MAGI2: variants seen among roughly 807,000 people sequenced by gnomAD.
The protein encoded by MAGI2 is membrane-associated guanylate kinase, WW and PDZ domain-containing protein 2.
A neutral mutation model predicts 133.3 loss-of-function variants in MAGI2; 35 were observed. The ratio of observed to expected loss-of-function variants is 0.26; its 90% CI spans 0.20 to 0.35. MAGI2 has a LOEUF of 0.35. Among genes scored for constraint, MAGI2 ranks in the 10% least tolerant of loss-of-function variants. The probability of loss-of-function intolerance (pLI) is 1.00; values close to 1 mark genes in which losing one functional copy is unlikely to be tolerated. For synonymous variants in MAGI2, 729 were observed against 710.6 expected (o/e 1.03, Z -0.41); for missense variants, 1,636 against 1,863.4 (o/e 0.88, Z 2.25).
intron 3 of MAGI2, among the ~76,000 whole-genome samples, chr7:78,555,187 C>T (rs62468621): frequency 1.2e-4 from 14 of 114,462 alleles, no homozygotes; most frequent in Admixed American, 1.0e-3. Context: ...TGATAGAGGA[C>T]GGTTGGATGG....
rs187323045 is a variant in MAGI2 at position 78,440,495 on chromosome 7, C to T, written c.1045+49266G>A. Among the ~76,000 whole-genome samples the T allele has an allele frequency of 2.0e-3, 298 of 152,230 alleles. 1 individual carries two copies. The highest frequency in any genetic ancestry group is 2.9e-3 in the Non-Finnish European group (198 of 68,028). ...CCGTGAAGGCAAAATTAACACATCC[C>T]ATTGGCCAGTTTGCTATATGGAATA... On this transcript the variant is annotated intron_variant, in intron 6 of 21. Transcript: ENST00000354212.
chr7:78,139,692 C>A (rs1032975570), intron 16 of MAGI2, among the ~76,000 whole-genome samples: 8 of 152,294 alleles, frequency 5.3e-5, no homozygotes, highest in East Asian at 1.9e-4. Context: ...TTAGGATACA[C>A]AGATATTTGG....
intron 1 of MAGI2, among the ~76,000 whole-genome samples, chr7:79,013,518 G>A (rs1273514998): frequency 6.6e-6 from 1 of 152,122 alleles, no homozygotes; most frequent in Non-Finnish European, 1.5e-5. Flanking sequence ...GGGCTGTGTT[G>A]TTAAGTTCCT....
chr7:78,808,882 C>G (rs571472150), intron 2 of MAGI2, among the ~76,000 whole-genome samples: 1 of 152,142 alleles, frequency 6.6e-6, no homozygotes, highest in Non-Finnish European at 1.5e-5. Flanking sequence ...AGCTACATGA[C>G]CCTAACTTTT....
intron 2 of MAGI2, among the ~76,000 whole-genome samples, chr7:78,931,607 A>C (rs1346444678): frequency 1.3e-5 from 2 of 152,110 alleles, no homozygotes; most frequent in Non-Finnish European, 2.9e-5. Context: ...CTGAAATTTT[A>C]GAGTTGTCAA....
chr7:78,575,631 C>T (rs1374131415), intron 3 of MAGI2, among the ~76,000 whole-genome samples: 2 of 152,134 alleles, frequency 1.3e-5, no homozygotes, highest in Non-Finnish European at 2.9e-5. Context: ...TCACACATCC[C>T]TTTAATAAAA....
At chr7:78,918,567 T>C (rs973174456) in intron 2 of MAGI2, among the ~76,000 whole-genome samples, 7 of 152,126 alleles carry the variant, frequency 4.6e-5, no homozygotes, top group Non-Finnish European at 8.8e-5. Context: ...AGCTTACAGA[T>C]TTATCATTTT....
chr7:79,420,457 T>G (rs1411591967), intron 1 of MAGI2, among the ~76,000 whole-genome samples: 1 of 151,988 alleles, frequency 6.6e-6, no homozygotes, highest in African/African-American at 2.4e-5. Context: ...TACTAATTCT[T>G]AAGTGTATTT....
rs1335421486 is a variant in MAGI2, at chr7:78,668,865, A to T, written c.419-41626T>A. On this transcript the variant is annotated intron_variant, in intron 2 of 21. Coordinates refer to ENST00000354212, the MANE Select transcript of MAGI2 (RefSeq NM_012301.4). ...GAAGGCAGAAATAAGATGTTCTTTG[A>T]AACCAATGAGAACAAAGACACAACA... Among the ~76,000 whole-genome samples, 5 of 151,430 alleles carry T rather than the reference A, an allele frequency of 3.3e-5. 1 individual carries two copies. The highest frequency in any genetic ancestry group is 1.2e-4 in the African/African-American group (5 of 40,876).
intron 10 of MAGI2, among the ~76,000 whole-genome samples, chr7:78,233,547 G>C (rs138391347): frequency 6.6e-6 from 1 of 152,032 alleles, no homozygotes; most frequent in African/African-American, 2.4e-5. Context: ...TTTATGGTGG[G>C]GTAAATGTAG....
intron 2 of MAGI2, among the ~76,000 whole-genome samples, chr7:79,000,940 T>A: frequency 6.6e-6 from 1 of 152,210 alleles, no homozygotes; most frequent in East Asian, 1.9e-4. Flanking sequence ...TTTTTTGAGA[T>A]GGAATCTTGC....
chr7:79,004,004 G>A (rs533866125), intron 2 of MAGI2, among the ~76,000 whole-genome samples: 2 of 152,282 alleles, frequency 1.3e-5, no homozygotes, highest in South Asian at 4.1e-4. Context: ...CTGTTGGTAG[G>A]AATGTAAATT....
At chr7:78,719,601 G>C (rs1820060702) in intron 2 of MAGI2, among the ~76,000 whole-genome samples, 1 of 152,198 alleles carries the variant, frequency 6.6e-6, no homozygotes, top group Admixed American at 6.5e-5. Context: ...TAAGCAAGTT[G>C]CAACCCTCTT....
chr7:78,947,248 T>C (rs1447807430), intron 2 of MAGI2, among the ~76,000 whole-genome samples: 3 of 152,224 alleles, frequency 2.0e-5, no homozygotes, highest in African/African-American at 7.2e-5. Flanking sequence ...CTCTGTTTGG[T>C]AACTCCTCCA....
intron 3 of MAGI2, among the ~76,000 whole-genome samples, chr7:78,536,103 C>CTTTT (rs544655465): frequency 0.028 from 1,659 of 59,930 alleles, 406 homozygotes; most frequent in Middle Eastern, 0.068. Flanking sequence ...ATGAATTAAA[C>CTTTT]TTTTTTTTTT....
At chr7:79,160,975 A>G (rs893120197) in intron 1 of MAGI2, among the ~76,000 whole-genome samples, 5 of 152,154 alleles carry the variant, frequency 3.3e-5, no homozygotes, top group African/African-American at 1.2e-4. Flanking sequence ...GCAACTCCCT[A>G]CTGGGAATCC....
At chr7:78,289,221 C>T (rs994115808) in intron 9 of MAGI2, among the ~76,000 whole-genome samples, 11 of 151,988 alleles carry the variant, frequency 7.2e-5, no homozygotes, top group Admixed American at 2.6e-4. Flanking sequence ...AAAGATTAGA[C>T]GAAAGGCTAA....
chr7:79,212,342 T>C (rs1372888122), intron 1 of MAGI2, among the ~76,000 whole-genome samples: 3 of 152,088 alleles, frequency 2.0e-5, no homozygotes, highest in Non-Finnish European at 4.4e-5. Flanking sequence ...TTTGCCAGCA[T>C]GATTTCAGGT....
At chr7:78,835,347 C>A (rs574736534) in intron 2 of MAGI2, among the ~76,000 whole-genome samples, 101 of 152,166 alleles carry the variant, frequency 6.6e-4, no homozygotes, top group African/African-American at 2.3e-3. Context: ...TTACATAATT[C>A]TATAAGAGCA....
Sources: allele counts gnomAD v4.1 joint callset (sites outside exome capture counted in the v4.1 genomes callset), GRCh38; gene constraint gnomAD v4.1.1; transcripts MANE v1.5; gene names NCBI Gene and HGNC (gene_info 2026-07-23, HGNC 2026-07-21).